Variants in CERT1 observed in about 807,000 individuals in gnomAD.
CERT1 encodes the protein ceramide transporter 1.
Under a neutral mutation model 87.9 loss-of-function variants are expected in CERT1, and 31 were observed. The ratio of observed to expected loss-of-function variants is 0.35; its 90% CI spans 0.27 to 0.48. The LOEUF is 0.48. CERT1 is among the 20% of genes least tolerant of loss of function. The probability of loss-of-function intolerance (pLI) is 0.99; values close to 1 mark genes in which losing one functional copy is unlikely to be tolerated. For synonymous variants in CERT1, 289 were observed against 250.9 expected (o/e 1.15, Z -1.44); for missense variants, 487 against 758.0 (o/e 0.64, Z 4.20).
intron 11 of CERT1, among the ~76,000 whole-genome samples, chr5:75,393,702 A>C (rs1350202802): frequency 6.6e-6 from 1 of 150,752 alleles, no homozygotes; most frequent in African/African-American, 2.4e-5. Flanking sequence ...AGGGTGGCTC[A>C]TGCCTGTAAT....
intron 7 of CERT1, 33 bp downstream of exon 7, chr5:75,416,843 A>G (rs762478771): frequency 2.0e-6 from 3 of 1,537,778 alleles, no homozygotes; most frequent in Admixed American, 2.2e-5. Flanking sequence ...CTTAAATGTG[A>G]TTATTTTTAA....
intron 3 of CERT1, among the ~76,000 whole-genome samples, chr5:75,439,611 G>A (rs148198192): frequency 6.6e-6 from 1 of 152,014 alleles, no homozygotes; most frequent in Non-Finnish European, 1.5e-5. Context: ...GTTAACATAA[G>A]CACAATAAAG....
Position 75,391,643 on chromosome 5 carries a change from A to C in CERT1, c.1189-1956T>G, listed in dbSNP as rs552118431. Among the ~76,000 whole-genome samples, 10 of 152,348 alleles carry C rather than the reference A, an allele frequency of 6.6e-5. No individual in the cohort carries two copies. The South Asian group carries it at 2.1e-3, about 32-fold the overall frequency. Reference sequence around the variant, plus strand: ...GAGGATAACCAATGCAGGATTCCAAATTACTAATACATACAAAATGTATCT... The same window carrying C: ...GAGGATAACCAATGCAGGATTCCAACTTACTAATACATACAAAATGTATCT... On this transcript the variant is annotated intron_variant, in intron 11 of 16. Coordinates refer to ENST00000643780, the MANE Select transcript of CERT1 (RefSeq NM_001379029.1).
chr5:75,504,908 T>C (rs1767582535), intron 2 of CERT1, among the ~76,000 whole-genome samples: 3 of 152,228 alleles, frequency 2.0e-5, no homozygotes, highest in Admixed American at 1.3e-4. Flanking sequence ...TTACTTGTTA[T>C]AGTTCTTACA....
intron 6 of CERT1, among the ~76,000 whole-genome samples, chr5:75,417,505 C>T (rs912067358): frequency 7.2e-5 from 11 of 152,180 alleles, no homozygotes; most frequent in South Asian, 4.1e-4. Flanking sequence ...ATGCCTTTTA[C>T]GTTTCAATTT....
intron 7 of CERT1, among the ~76,000 whole-genome samples, chr5:75,416,186 C>T (rs905351264): frequency 2.6e-5 from 4 of 152,120 alleles, no homozygotes; most frequent in Middle Eastern, 3.2e-3. Context: ...TACTTTTCAC[C>T]TTTTGACAAG....
intron 11 of CERT1, among the ~76,000 whole-genome samples, chr5:75,391,152 TCGC>T (rs1407896447): frequency 6.6e-6 from 1 of 152,174 alleles, no homozygotes; most frequent in Non-Finnish European, 1.5e-5. Flanking sequence ...AGACAGGGTC[TCGC>T]CATCTGGCCC....
intron 2 of CERT1, among the ~76,000 whole-genome samples, chr5:75,498,518 G>A (rs1767184469): frequency 6.6e-6 from 1 of 152,200 alleles, no homozygotes; most frequent in South Asian, 2.1e-4. Flanking sequence ...GTGGCTAAAA[G>A]GGGTCAAGGC....
At chr5:75,468,474 C>G (rs1765563420) in intron 2 of CERT1, among the ~76,000 whole-genome samples, 1 of 152,120 alleles carries the variant, frequency 6.6e-6, no homozygotes, top group African/African-American at 2.4e-5. Context: ...CTCATGGTAA[C>G]TGAATCCAGG....
chr5:75,492,880 G>A (rs1027680408), intron 2 of CERT1, among the ~76,000 whole-genome samples: 8 of 152,148 alleles, frequency 5.3e-5, no homozygotes, highest in African/African-American at 1.9e-4. Flanking sequence ...CAAACTTTAG[G>A]ACGCATCAGA....
Position 75,511,327 on chromosome 5 carries a change from T to TG in CERT1, c.-121dup, listed in dbSNP as rs893362976. 4.5e-6 allele frequency: 7 copies of TG among 1,544,716 alleles called. No homozygotes were observed. Among genetic ancestry groups the TG allele is most frequent in the South Asian group, 2.4e-5 (2 of 83,708 alleles). On this transcript the variant is annotated 5_prime_UTR_variant, in exon 1 of 17. Coordinates refer to ENST00000643780, the MANE Select transcript of CERT1 (RefSeq NM_001379029.1). ...GAAGCGAAGAGTGCCCGCTCCGGTG[T>TG]GGGGGGGAGCAGGAGGAGGGACGAA...
intron 1 of CERT1, among the ~76,000 whole-genome samples, chr5:75,509,636 C>A (rs1767823845): frequency 6.6e-6 from 1 of 151,988 alleles, no homozygotes. Flanking sequence ...CCCCAACCCC[C>A]AAAAAAGTAA....
At chr5:75,434,737 T>G (rs1307733736) in intron 3 of CERT1, among the ~76,000 whole-genome samples, 1 of 152,066 alleles carries the variant, frequency 6.6e-6, no homozygotes, top group Non-Finnish European at 1.5e-5. Flanking sequence ...AGGTTTTATG[T>G]TTCCAGGAAT....
intron 2 of CERT1, among the ~76,000 whole-genome samples, chr5:75,501,176 G>C (rs924334867): frequency 6.6e-6 from 1 of 151,728 alleles, no homozygotes; most frequent in Non-Finnish European, 1.5e-5. Flanking sequence ...TGTAGAGATG[G>C]GGTTCTATGA....
Position 75,425,393 on chromosome 5 carries a change from G to C in CERT1, c.563C>G (p.Ala188Gly). ...CCTTTGAAGTTCATCCTTAGAGACA[G>C]CATCAGCACAGGCATCAAAGTACTT... ...LQKYFDACAD[A>G]VSKDELQRDK... The change falls in exon 5 of 17, where the codon GCT becomes GGT. Residue 188 changes from alanine to glycine, a missense_variant. By Grantham distance (60) the Ala-to-Gly change is moderately conservative (BLOSUM62 0). Coordinates refer to ENST00000643780, the MANE Select transcript of CERT1 (RefSeq NM_001379029.1). 1.2e-6 allele frequency: 2 copies of C among 1,613,888 alleles called. No individual in the cohort carries two copies. Among genetic ancestry groups the C allele is most frequent in the Admixed American group, 3.3e-5 (2 of 60,006 alleles).
At position 75,419,050 on chromosome 5, in the gene CERT1, C is replaced by A. The variant is rs1437926395; in HGVS notation, c.679+291G>T. Among the ~76,000 whole-genome samples the A allele has an allele frequency of 2.0e-5, 3 of 152,136 alleles. No homozygotes were observed. In the East Asian group the frequency reaches 5.8e-4, roughly 29 times the overall value. On this transcript the variant is annotated intron_variant, in intron 6 of 16. Coordinates refer to ENST00000643780, the MANE Select transcript of CERT1 (RefSeq NM_001379029.1). Reference sequence around the variant, plus strand: ...ACAGAACTGAGAATCCAGAAATAAACCCTCGCATTTACAGTCTATCAGATT... The same window carrying A: ...ACAGAACTGAGAATCCAGAAATAAAACCTCGCATTTACAGTCTATCAGATT...
At chr5:75,505,452 T>C (rs1164922205) in intron 2 of CERT1, 2 of 152,220 alleles carry the variant, frequency 1.3e-5, no homozygotes. Context: ...AAGGAGCCTA[T>C]ACTTAGAGTT....
chr5:75,386,010 T>C lies in CERT1; in HGVS notation c.1309A>G (p.Asn437Asp). The C allele has an allele frequency of 6.3e-7, 1 of 1,580,052 alleles. No homozygotes were observed. Among genetic ancestry groups the C allele is most frequent in the Non-Finnish European group, 8.6e-7 (1 of 1,163,504 alleles). Reference sequence around the variant, plus strand: ...TTTAAAGGATCCAGAACAATCCCATTTTCTTCTACTTCTCTTCTGTATACC... The same window carrying C: ...TTTAAAGGATCCAGAACAATCCCATCTTCTTCTACTTCTCTTCTGTATACC... Reference protein sequence around the residue: ...MKVYRREVEENGIVLDPLKAT... With the variant: ...MKVYRREVEEDGIVLDPLKAT... Residue 437 changes from asparagine to aspartate, a missense_variant, in exon 13 of 17, where the codon AAT becomes GAT. Physicochemically the swap from Asn to Asp is conservative, Grantham distance 23. Transcript: ENST00000643780.
chr5:75,420,656 A>T (rs1763339832), intron 5 of CERT1, among the ~76,000 whole-genome samples: 1 of 152,050 alleles, frequency 6.6e-6, no homozygotes, highest in Admixed American at 6.5e-5. Context: ...ACAAAAACAG[A>T]ATCTCTCTTG....
Sources: gnomAD v4.1 joint callset for allele counts (sites outside exome capture counted in the v4.1 genomes callset) on GRCh38, gnomAD v4.1.1 for gene constraint, MANE v1.5 for transcripts, NCBI Gene and HGNC (gene_info 2026-07-23, HGNC 2026-07-21) for gene names.